TMEM67: variants seen among roughly 807,000 people sequenced by gnomAD.
The protein encoded by TMEM67 is transmembrane protein 67, also known as meckelin.
In TMEM67, 124 loss-of-function variants were observed where a neutral mutation model predicts 136.6. That is an observed-to-expected ratio of 0.91 (90% CI 0.78 to 1.05). The LOEUF (loss-of-function observed/expected upper bound fraction) is 1.05, where lower values mean the gene tolerates loss of function less well. Ranked by LOEUF, TMEM67 falls within the 50% of genes least tolerant of loss-of-function variation. TMEM67 has a pLI of 0.00. For synonymous variants in TMEM67, 364 were observed against 390.5 expected (o/e 0.93, Z 0.80); for missense variants, 1,107 against 1,178.4 (o/e 0.94, Z 0.89).
Position 93,755,146 on chromosome 8 carries a change from G to A in TMEM67, c.223+9G>A, listed in dbSNP as rs1264088122. On this transcript the variant is annotated intron_variant, in intron 1 of 27. Transcript: ENST00000453321. ...GAGGCAAGATGCCCGAGGTAAGACG[G>A]TTTGCGGTGGGCCCTGGCAAAAGTA... 5 of 1,613,324 alleles carry A rather than the reference G, an allele frequency of 3.1e-6. No individual in the cohort carries two copies. Among genetic ancestry groups the A allele is most frequent in the Non-Finnish European group, 4.2e-6 (5 of 1,179,428 alleles).
chr8:93,780,037 G>A (rs550518631), intron 7 of TMEM67, among the ~76,000 whole-genome samples: 11 of 152,282 alleles, frequency 7.2e-5, no homozygotes, highest in East Asian at 1.9e-4. Flanking sequence ...CACCCAGTTG[G>A]AGCTTCCCCG....
At chr8:93,781,131 A>G (rs1348491293) in intron 9 of TMEM67, 149 bp downstream of exon 9, 7 of 659,844 alleles carry the variant, frequency 1.1e-5, no homozygotes, top group South Asian at 1.8e-5. Flanking sequence ...TAAGAACTAA[A>G]TAGTATAGAG....
chr8:93,763,832 A>C lies in TMEM67; in HGVS notation c.407-10A>C, dbSNP rs1812956963. 1 of 1,592,440 alleles carries C rather than the reference A, an allele frequency of 6.3e-7. No individual in the cohort carries two copies. Among genetic ancestry groups the C allele is most frequent in the African/African-American group, 1.3e-5 (1 of 74,492 alleles). On this transcript the variant is annotated splice_polypyrimidine_tract_variant and intron_variant, in intron 3 of 27. Transcript: ENST00000453321. ...GAGTTACATCTTTATTTTGTTTCTAAACTGTTCAGTGGAAAGAGACATTAA... is the reference window on the plus strand; with the variant it reads ...GAGTTACATCTTTATTTTGTTTCTACACTGTTCAGTGGAAAGAGACATTAA...
At chr8:93,756,520 A>G (rs1347806235) in intron 2 of TMEM67, 1 of 152,208 alleles carries the variant, frequency 6.6e-6, no homozygotes, top group Admixed American at 6.5e-5. Context: ...TATAAAAAAT[A>G]TTAATTCTGG....
chr8:93,809,271 C>A lies in TMEM67; in HGVS notation c.2661+110C>A, dbSNP rs2130781937. 17 of 736,628 alleles carry A rather than the reference C, an allele frequency of 2.3e-5. 2 individuals are homozygous for A. Among genetic ancestry groups the A allele is most frequent in the South Asian group, 2.3e-4 (16 of 70,528 alleles). 45.6% of individuals were successfully genotyped at this position (736,628 alleles called of 1,614,324 possible). On this transcript the variant is annotated intron_variant, in intron 25 of 27. Coordinates refer to ENST00000453321, the MANE Select transcript of TMEM67 (RefSeq NM_153704.6). ...TCAACCAAGTCAGTAAACTTAGAAC[C>A]CCCACCTTAAGACCTTCCCTTTTTT...
chr8:93,781,680 C>T lies in TMEM67; in HGVS notation c.1001C>T (p.Ala334Val). 1 of 1,604,680 alleles carries T rather than the reference C, an allele frequency of 6.2e-7. No individual in the cohort carries two copies. Among genetic ancestry groups the T allele is most frequent in the Non-Finnish European group, 8.5e-7 (1 of 1,174,302 alleles). ...CAGAATACAAAACTGAAGTTTGTTG[C>T]TGCTTCCTATGATATAAGAGGAAAT... is the stretch of plus-strand genomic sequence containing the variant. ...ENQNTKLKFV[A>V]ASYDIRGNFL... The change falls in exon 10 of 28, where the codon GCT becomes GTT. Residue 334 changes from alanine to valine, a missense_variant. By Grantham distance (64) the Ala-to-Val change is moderately conservative. Around this residue, in one of 3 missense-constraint regions of TMEM67, gnomAD observed 925 missense variants for 1,002.4 expected, o/e 0.92. Transcript: ENST00000453321.
the TMEM67 span, among the ~76,000 whole-genome samples, chr8:93,824,303 G>C: frequency 6.6e-6 from 1 of 152,118 alleles, no homozygotes; most frequent in Non-Finnish European, 1.5e-5. Context: ...ATTCTTTCTA[G>C]CTACCTTGTA....
At chr8:93,808,510 A>AATAGATCTATTATAGATCTAT (rs1808547922) in intron 23 of TMEM67, among the ~76,000 whole-genome samples, 10 of 13,084 alleles carry the variant, frequency 7.6e-4, no homozygotes, top group Admixed American at 1.7e-3. Flanking sequence ...ATAGATGAAT[A>AATAGATCTATTATAGATCTAT]TATATATTTA....
intron 3 of TMEM67, chr8:93,760,019 G>T (rs1383924223): frequency 1.6e-5 from 23 of 1,438,554 alleles, no homozygotes; most frequent in Admixed American, 2.5e-5. Flanking sequence ...GGATATGAAG[G>T]CAGGCTTTTA....
downstream of TMEM67, among the ~76,000 whole-genome samples, chr8:93,823,908 TCAAAGCCA>T (rs1809075731): frequency 6.6e-6 from 1 of 151,922 alleles, no homozygotes; most frequent in African/African-American, 2.4e-5. Flanking sequence ...AGAGCCTCTC[TCAAAGCCA>T]TCATTACACA....
rs16916221 is a variant in TMEM67, at chr8:93,815,432, A to G, written c.2892A>G (p.Thr964=). The G allele has an allele frequency of 1.9e-6, 3 of 1,612,528 alleles. No homozygotes were observed. The highest frequency in any genetic ancestry group is 1.7e-6 in the Non-Finnish European group (2 of 1,179,634). ...CQNFILASFL[T]YLQQEIFRYI... is the part of the protein sequence containing the mutation. Reference sequence around the variant, plus strand: ...ATTTTATTTTAGCATCCTTCCTTACATATCTACAACAAGAGGTAAACTTTT... The same window carrying G: ...ATTTTATTTTAGCATCCTTCCTTACGTATCTACAACAAGAGGTAAACTTTT... Residue 964 remains threonine (T), a synonymous_variant, in exon 27 of 28, where the codon ACA becomes ACG. Transcript: ENST00000453321.
chr8:93,784,266 G>A (rs1813994189), intron 11 of TMEM67, among the ~76,000 whole-genome samples: 1 of 152,170 alleles, frequency 6.6e-6, no homozygotes, highest in Non-Finnish European at 1.5e-5. Flanking sequence ...CAACACTTAT[G>A]TAATGCCTAT....
In TMEM67 at chr8:93,797,346, G is replaced by GA; in HGVS notation, c.1978dup (p.Ser660LysfsTer17). ...TCCTGACCAGGTGAGGGTGGTGTAC[G>GA]AAGTGCCACTGTTCCTGTAAGCATA... On this transcript the variant is annotated frameshift_variant, in exon 20 of 28. Transcript: ENST00000453321. LOFTEE classifies it high-confidence loss of function. 1.2e-6 allele frequency: 2 copies of GA among 1,614,058 alleles called. No homozygotes were observed. Among genetic ancestry groups the GA allele is most frequent in the Non-Finnish European group, 1.7e-6 (2 of 1,179,990 alleles).
intron 26 of TMEM67, among the ~76,000 whole-genome samples, chr8:93,813,480 C>T (rs774289036): frequency 1.7e-4 from 26 of 152,186 alleles, no homozygotes; most frequent in Non-Finnish European, 2.6e-4. Context: ...TGCCCGATCT[C>T]ACTACCTTCG....
chr8:93,808,503 G>GAATGAATGA (rs1808542625), intron 23 of TMEM67, among the ~76,000 whole-genome samples: 3 of 138,910 alleles, frequency 2.2e-5, no homozygotes, highest in Non-Finnish European at 4.7e-5. Flanking sequence ...ATCTATTATA[G>GAATGAATGA]ATGAATATAT....
intron 16 of TMEM67, 34 bp downstream of exon 16, chr8:93,793,330 A>G (rs908886094): frequency 4.5e-6 from 7 of 1,544,372 alleles, no homozygotes; most frequent in Admixed American, 1.7e-5. Context: ...GAATATTTTT[A>G]TCTTTTGACC....
At chr8:93,808,506 G>GATCTATTATAGATA (rs1808545471) in intron 23 of TMEM67, among the ~76,000 whole-genome samples, 1 of 14,860 alleles carries the variant, frequency 6.7e-5, no homozygotes, top group Non-Finnish European at 1.4e-4. Flanking sequence ...TATTATAGAT[G>GATCTATTATAGATA]AATATATATA....
rs544700263 is a variant in TMEM67, at chr8:93,814,822, A to G, written c.2765-483A>G. On this transcript the variant is annotated intron_variant, in intron 26 of 27. Coordinates refer to ENST00000453321, the MANE Select transcript of TMEM67 (RefSeq NM_153704.6). The stretch of plus-strand genomic sequence containing the variant: ...CTTTTTAAAAGGGTGTTCACATCCC[A>G]ATAAGGATGAAACTCGCTGGTGGAG... 3.3e-5 allele frequency among the ~76,000 whole-genome samples: 5 copies of G among 152,180 alleles called. No individual in the cohort carries two copies. In the South Asian group the frequency reaches 1.0e-3, roughly 32 times the overall value.
intron 13 of TMEM67, among the ~76,000 whole-genome samples, chr8:93,787,499 T>C (rs569304202): frequency 2.0e-5 from 3 of 152,354 alleles, no homozygotes; most frequent in African/African-American, 4.8e-5. Context: ...GCACTGTACT[T>C]TTGATTATTC....
Sources: allele counts gnomAD v4.1 joint callset (sites outside exome capture counted in the v4.1 genomes callset), GRCh38; gene constraint gnomAD v4.1.1; regional missense constraint gnomAD v4.1.1; transcripts MANE v1.5; gene names NCBI Gene and HGNC (gene_info 2026-07-23, HGNC 2026-07-21).